GPC5: variants seen among roughly 807,000 people sequenced by gnomAD.
The protein encoded by GPC5 is glypican 5.
A neutral mutation model predicts 53.9 loss-of-function variants in GPC5; 47 were observed. The ratio of observed to expected loss-of-function variants is 0.87; its 90% CI spans 0.69 to 1.11. The LOEUF (loss-of-function observed/expected upper bound fraction) is 1.11. Ranked by LOEUF, GPC5 falls within the 50% of genes most tolerant of loss-of-function variation. The pLI is 0.00. For synonymous variants in GPC5, 286 were observed against 263.3 expected (o/e 1.09, Z -0.84); for missense variants, 748 against 713.1 (o/e 1.05, Z -0.56).
chr13:92,844,514 T>C (rs1173141902), intron 7 of GPC5, among the ~76,000 whole-genome samples: 1 of 151,156 alleles, frequency 6.6e-6, no homozygotes. Context: ...TTTTTGCATT[T>C]TGTGGTACTT....
chr13:91,485,708 G>T (rs917790833), intron 2 of GPC5: 1 of 152,068 alleles, frequency 6.6e-6, no homozygotes, highest in South Asian at 2.1e-4. Context: ...GTTTATTCAG[G>T]CTGAAAAGAG....
intron 6 of GPC5, among the ~76,000 whole-genome samples, chr13:91,986,252 A>G (rs1266011980): frequency 2.0e-5 from 3 of 151,524 alleles, no homozygotes; most frequent in Admixed American, 2.0e-4. Flanking sequence ...TTTTTAGTAG[A>G]GACGGGGTTT....
In GPC5 at chr13:92,866,428, G is replaced by A. The variant is rs749595460; in HGVS notation, c.1708G>A (p.Gly570Arg). The change falls in exon 8 of 8, where the codon GGG becomes AGG. Residue 570 changes from glycine to arginine, a missense_variant. Coordinates refer to ENST00000377067, the MANE Select transcript of GPC5 (RefSeq NM_004466.6). The part of the protein sequence containing the change: ...TLISVVMLLP[G>R]IW ...GATAAGTGTGGTGATGTTACTTCCCGGGATTTGGTAACTGAACTCTTCTGT... is the reference window on the plus strand; with the variant it reads ...GATAAGTGTGGTGATGTTACTTCCCAGGATTTGGTAACTGAACTCTTCTGT... 1.6e-5 allele frequency: 25 copies of A among 1,601,490 alleles called. No individual in the cohort carries two copies. Among genetic ancestry groups the A allele is most frequent in the Admixed American group, 3.4e-5 (2 of 59,030 alleles).
chr13:92,216,074 A>G (rs369213579), intron 7 of GPC5, among the ~76,000 whole-genome samples: 8 of 152,182 alleles, frequency 5.3e-5, no homozygotes, highest in Non-Finnish European at 1.2e-4. Flanking sequence ...GTTTTAAGCT[A>G]AAGGACAGAA....
chr13:92,284,634 C>CA (rs1175259445), intron 7 of GPC5, among the ~76,000 whole-genome samples: 1 of 152,038 alleles, frequency 6.6e-6, no homozygotes, highest in Non-Finnish European at 1.5e-5. Flanking sequence ...GAACCAAAGA[C>CA]AAAAAACACA....
intron 2 of GPC5, among the ~76,000 whole-genome samples, chr13:91,679,764 CTG>C (rs1444679951): frequency 6.6e-6 from 1 of 152,146 alleles, no homozygotes; most frequent in Non-Finnish European, 1.5e-5. Flanking sequence ...AAATTATTGA[CTG>C]TTAAATATAA....
intron 7 of GPC5, among the ~76,000 whole-genome samples, chr13:92,327,482 T>C (rs1404817578): frequency 2.6e-5 from 4 of 152,212 alleles, no homozygotes; most frequent in Non-Finnish European, 5.9e-5. Flanking sequence ...ACTCAACCTA[T>C]CAAAATAATG....
intron 7 of GPC5, among the ~76,000 whole-genome samples, chr13:92,695,703 T>A: frequency 7.5e-6 from 1 of 134,034 alleles, no homozygotes; most frequent in East Asian, 2.0e-4. Context: ...TTTTATGAGT[T>A]TTTTTTTTTT....
intron 6 of GPC5, among the ~76,000 whole-genome samples, chr13:91,970,679 T>G (rs898808394): frequency 6.6e-6 from 1 of 151,516 alleles, no homozygotes; most frequent in East Asian, 1.9e-4. Flanking sequence ...GCATGAAGGG[T>G]TGTTGAATTT....
chr13:91,867,527 A>T (rs2138923919), intron 5 of GPC5, among the ~76,000 whole-genome samples: 1 of 152,320 alleles, frequency 6.6e-6, no homozygotes, highest in East Asian at 1.9e-4. Context: ...TCTAAGAAAG[A>T]TTTATGGACA....
At position 92,146,695 on chromosome 13, in the gene GPC5, T is replaced by C. The variant is rs184019787; in HGVS notation, c.1561+1706T>C. Among the ~76,000 whole-genome samples the C allele has an allele frequency of 2.5e-3, 380 of 152,186 alleles. 3 individuals are homozygous for C. Among genetic ancestry groups the C allele is most frequent in the African/African-American group, 8.7e-3 (361 of 41,546 alleles). ...GTTTCCCCCAATCCCCCAAAGTCCA[T>C]TGTATCATTCTTATGCCTTTGCATC... is the stretch of plus-strand genomic sequence containing the variant. On this transcript the variant is annotated intron_variant, in intron 7 of 7. Coordinates refer to ENST00000377067, the MANE Select transcript of GPC5 (RefSeq NM_004466.6).
At chr13:92,381,911 TA>T (rs2043749124) in intron 7 of GPC5, among the ~76,000 whole-genome samples, 7 of 135,812 alleles carry the variant, frequency 5.2e-5, no homozygotes, top group Admixed American at 1.5e-4. Flanking sequence ...ATATATATGA[TA>T]TATATAATCA....
At chr13:92,492,480 C>T (rs1405864910) in intron 7 of GPC5, among the ~76,000 whole-genome samples, 4 of 150,350 alleles carry the variant, frequency 2.7e-5, no homozygotes, top group Non-Finnish European at 5.9e-5. Context: ...TACCCTAGAA[C>T]TTAAAGTATA....
intron 7 of GPC5, among the ~76,000 whole-genome samples, chr13:92,413,064 C>A (rs1012251180): frequency 6.6e-6 from 1 of 152,196 alleles, no homozygotes; most frequent in African/African-American, 2.4e-5. Context: ...GTTCTCAAAG[C>A]AACCCACTGA....
intron 5 of GPC5, among the ~76,000 whole-genome samples, chr13:91,836,882 A>G (rs2038728137): frequency 2.0e-5 from 3 of 151,418 alleles, no homozygotes; most frequent in Admixed American, 6.6e-5. Context: ...ATCTGTTCCC[A>G]TTCTATATGG....
intron 7 of GPC5, among the ~76,000 whole-genome samples, chr13:92,464,852 A>AT (rs1491411136): frequency 6.6e-6 from 1 of 151,866 alleles, no homozygotes; most frequent in Non-Finnish European, 1.5e-5. Context: ...AATTATTTGG[A>AT]TATATATATC....
chr13:91,630,526 T>G (rs578018364), intron 2 of GPC5, among the ~76,000 whole-genome samples: 9 of 152,286 alleles, frequency 5.9e-5, no homozygotes, highest in Admixed American at 5.9e-4. Context: ...ATTTTTTAGC[T>G]AGGTGGATTT....
At chr13:92,233,752 T>C (rs1222437809) in intron 7 of GPC5, among the ~76,000 whole-genome samples, 2 of 152,150 alleles carry the variant, frequency 1.3e-5, no homozygotes, top group Admixed American at 6.5e-5. Context: ...TGGTGTGCTG[T>C]ACCCATTAAC....
intron 6 of GPC5, among the ~76,000 whole-genome samples, chr13:92,083,893 C>G (rs571203802): frequency 5.3e-5 from 8 of 152,232 alleles, no homozygotes; most frequent in African/African-American, 1.7e-4. Context: ...CAATGATAGA[C>G]TGGATAAAGA....
Sources: allele counts gnomAD v4.1 joint callset (sites outside exome capture counted in the v4.1 genomes callset), GRCh38; gene constraint gnomAD v4.1.1; transcripts MANE v1.5; gene names NCBI Gene and HGNC (gene_info 2026-07-23, HGNC 2026-07-21).